The following MAGI2 variants were observed in gnomAD, a reference collection of about 807,000 sequenced individuals.
The protein encoded by MAGI2 is membrane-associated guanylate kinase, WW and PDZ domain-containing protein 2.
A neutral mutation model predicts 133.3 loss-of-function variants in MAGI2; 35 were observed. The ratio of observed to expected loss-of-function variants is 0.26; its 90% CI spans 0.20 to 0.35. The LOEUF is 0.35. Ranked by LOEUF, MAGI2 falls within the 10% of genes least tolerant of loss-of-function variation. The probability of loss-of-function intolerance (pLI) is 1.00; values close to 1 mark genes in which losing one functional copy is unlikely to be tolerated. For synonymous variants in MAGI2, 729 were observed against 710.6 expected, an observed-to-expected ratio of 1.03 and a Z score of -0.41; for missense variants, 1,636 against 1,863.4, an observed-to-expected ratio of 0.88 and a Z score of 2.25.
intron 1 of MAGI2, among the ~76,000 whole-genome samples, chr7:79,065,648 G>C (rs1814231491): frequency 6.6e-6 from 1 of 152,076 alleles, no homozygotes; most frequent in East Asian, 1.9e-4. Flanking sequence ...TGCCATAGTG[G>C]TTTGCTGCGC....
At chr7:78,414,196 T>C (rs1200885017) in intron 6 of MAGI2, among the ~76,000 whole-genome samples, 1 of 151,974 alleles carries the variant, frequency 6.6e-6, no homozygotes, top group East Asian at 1.9e-4. Flanking sequence ...TAAATGCCCG[T>C]AAATAAGGGA....
chr7:78,250,698 A>C (rs1355433473), intron 10 of MAGI2, among the ~76,000 whole-genome samples: 1 of 152,092 alleles, frequency 6.6e-6, no homozygotes, highest in Non-Finnish European at 1.5e-5. Context: ...ACCAAAACTG[A>C]TTTAAGAAGA....
At chr7:78,479,883 A>G (rs2150453754) in intron 6 of MAGI2, among the ~76,000 whole-genome samples, 1 of 152,110 alleles carries the variant, frequency 6.6e-6, no homozygotes, top group East Asian at 1.9e-4. Context: ...TTGAAACAAA[A>G]AATCTCAGTA....
At chr7:78,571,057 T>C (rs1007976068) in intron 3 of MAGI2, among the ~76,000 whole-genome samples, 1 of 152,208 alleles carries the variant, frequency 6.6e-6, no homozygotes, top group African/African-American at 2.4e-5. Flanking sequence ...ATAGGCTGGC[T>C]TTACAATCAG....
chr7:78,390,934 T>C (rs946221858), intron 6 of MAGI2, among the ~76,000 whole-genome samples: 1 of 152,200 alleles, frequency 6.6e-6, no homozygotes, highest in Non-Finnish European at 1.5e-5. Flanking sequence ...TTTTCCAATG[T>C]CATAACTAAA....
chr7:78,414,956 A>G (rs749009523), intron 6 of MAGI2, among the ~76,000 whole-genome samples: 2 of 152,134 alleles, frequency 1.3e-5, no homozygotes, highest in Non-Finnish European at 2.9e-5. Context: ...TGATTCTATT[A>G]TCTAAAAACT....
intron 3 of MAGI2, among the ~76,000 whole-genome samples, chr7:78,575,262 G>T (rs1223886549): frequency 6.6e-6 from 1 of 152,084 alleles, no homozygotes; most frequent in Non-Finnish European, 1.5e-5. Context: ...TAAAGTATTG[G>T]ATTATAGCCA....
intron 1 of MAGI2, among the ~76,000 whole-genome samples, chr7:79,178,041 C>T (rs1400945829): frequency 2.6e-5 from 4 of 151,990 alleles, no homozygotes; most frequent in African/African-American, 9.7e-5. Context: ...AGGCTTCCAT[C>T]TATCATATCT....
At chr7:79,242,963 T>C (rs573778138) in intron 1 of MAGI2, among the ~76,000 whole-genome samples, 27 of 152,254 alleles carry the variant, frequency 1.8e-4, no homozygotes, top group Admixed American at 5.9e-4. Context: ...ACATCTGTAA[T>C]CCCAACACTT....
At chr7:78,280,189 C>T (rs1245016135) in intron 9 of MAGI2, among the ~76,000 whole-genome samples, 1 of 152,090 alleles carries the variant, frequency 6.6e-6, no homozygotes, top group African/African-American at 2.4e-5. Flanking sequence ...TCAGGTGGCA[C>T]TCATGGCATG....
At chr7:78,308,642 T>C (rs902555215) in intron 9 of MAGI2, among the ~76,000 whole-genome samples, 1 of 152,066 alleles carries the variant, frequency 6.6e-6, no homozygotes, top group African/African-American at 2.4e-5. Flanking sequence ...CCTTTTCAGG[T>C]GTTCCATTAC....
intron 10 of MAGI2, among the ~76,000 whole-genome samples, chr7:78,212,519 C>A (rs1166947094): frequency 6.6e-6 from 1 of 152,158 alleles, no homozygotes; most frequent in South Asian, 2.1e-4. Context: ...AGTGGATTCT[C>A]TTCTAACAAC....
At chr7:78,862,940 A>G (rs1340236240) in intron 2 of MAGI2, among the ~76,000 whole-genome samples, 2 of 152,250 alleles carry the variant, frequency 1.3e-5, no homozygotes, top group African/African-American at 4.8e-5. Context: ...TTAAAACATT[A>G]TCAACTTTTT....
At chr7:78,666,112 A>C (rs1236855264) in intron 2 of MAGI2, among the ~76,000 whole-genome samples, 5 of 152,146 alleles carry the variant, frequency 3.3e-5, no homozygotes, top group Non-Finnish European at 5.9e-5. Flanking sequence ...TTTGCTATCC[A>C]ACGTAAGTCT....
At chr7:78,790,779 A>T (rs1489693532) in intron 2 of MAGI2, among the ~76,000 whole-genome samples, 1 of 152,182 alleles carries the variant, frequency 6.6e-6, no homozygotes, top group Non-Finnish European at 1.5e-5. Context: ...ACAAGCAATA[A>T]CAAAGCTTAC....
chr7:78,423,207 C>T (rs375407014), intron 6 of MAGI2, among the ~76,000 whole-genome samples: 4 of 152,084 alleles, frequency 2.6e-5, no homozygotes, highest in African/African-American at 9.7e-5. Flanking sequence ...TTCCTGTGAT[C>T]TTCTCGTGAT....
chr7:78,802,514 G>A (rs1788157600), intron 2 of MAGI2, among the ~76,000 whole-genome samples: 1 of 152,138 alleles, frequency 6.6e-6, no homozygotes, highest in South Asian at 2.1e-4. Context: ...GGATAAAACT[G>A]TGTGGATTCA....
chr7:78,521,843 T>A (rs528823168), intron 3 of MAGI2, among the ~76,000 whole-genome samples, 198 bp from the exon 4 acceptor site: 21 of 152,288 alleles, frequency 1.4e-4, no homozygotes, highest in Non-Finnish European at 2.9e-5. Flanking sequence ...TTCTGTTGCG[T>A]TGGACTTTAA....
chr7:78,789,428 C>A (rs371143861), intron 2 of MAGI2, among the ~76,000 whole-genome samples: 4 of 152,188 alleles, frequency 2.6e-5, no homozygotes, highest in Non-Finnish European at 4.4e-5. Context: ...AATCCACAGA[C>A]GATGAATGAT....
Sources: allele counts gnomAD v4.1 joint callset (sites outside exome capture counted in the v4.1 genomes callset), GRCh38; gene constraint gnomAD v4.1.1; transcripts MANE v1.5; gene names NCBI Gene and HGNC (gene_info 2026-07-23, HGNC 2026-07-21).